HAT1: variants seen among roughly 807,000 people sequenced by gnomAD.
HAT1 encodes histone acetyltransferase 1.
HAT1 carries 20 observed loss-of-function variants against 56.6 expected under a neutral mutation model. The ratio of observed to expected loss-of-function variants is 0.35; its 90% CI spans 0.25 to 0.51. The LOEUF (loss-of-function observed/expected upper bound fraction) is 0.51. HAT1 is among the 20% of genes least tolerant of loss of function. The probability of loss-of-function intolerance (pLI) is 0.95; values close to 1 mark genes in which losing one functional copy is unlikely to be tolerated. For synonymous variants in HAT1, 146 were observed against 165.5 expected, an observed-to-expected ratio of 0.88 and a Z score of 0.91; for missense variants, 408 against 504.3, an observed-to-expected ratio of 0.81 and a Z score of 1.83.
Position 171,979,340 on chromosome 2 carries a change from A to T in HAT1, c.1069A>T (p.Arg357Ter), listed in dbSNP as rs1688073810. Residue 357 changes from arginine to a stop codon, truncating the protein, a stop_gained, in exon 10 of 11, where the codon AGA becomes TGA. Coordinates refer to ENST00000264108, the MANE Select transcript of HAT1 (RefSeq NM_003642.4). LOFTEE classifies it high-confidence loss of function. The stretch of plus-strand genomic sequence containing the variant: ...CAGAAGCTACAGACTGGATATTAAA[A>T]GAAGACTAATTAGCCCATATAAGGT... ...QYRSYRLDIK[R>*]RLISPYKKKQ... 1 of 1,571,090 alleles carries T rather than the reference A, an allele frequency of 6.4e-7. No individual in the cohort carries two copies. The highest frequency in any genetic ancestry group is 8.8e-7 in the Non-Finnish European group (1 of 1,140,942).
Position 171,925,780 on chromosome 2 carries a change from T to C in HAT1, c.112+139T>C, listed in dbSNP as rs932359766. ...TGGTTTTCTGCATTTATTGAACATA[T>C]TCAGATTTTATTCAGTTTTGATTTA... On this transcript the variant is annotated intron_variant, in intron 2 of 10. Coordinates refer to ENST00000264108, the MANE Select transcript of HAT1 (RefSeq NM_003642.4). 25 of 535,124 alleles carry C rather than the reference T, an allele frequency of 4.7e-5. No homozygotes were observed. In the South Asian group the frequency reaches 4.7e-4, roughly 10 times the overall value. The allele number at this position is 535,124 out of a possible 1,614,324, so 33.1% of individuals were successfully genotyped here.
intron 2 of HAT1, among the ~76,000 whole-genome samples, chr2:171,936,277 G>C (rs999980114): frequency 7.2e-5 from 11 of 152,160 alleles, no homozygotes; most frequent in African/African-American, 2.7e-4. Flanking sequence ...TCTGAAACCA[G>C]CAATGAGGAG....
intron 2 of HAT1, among the ~76,000 whole-genome samples, chr2:171,935,488 C>T (rs1246080924): frequency 7.8e-6 from 1 of 128,566 alleles, no homozygotes; most frequent in Non-Finnish European, 1.5e-5. Context: ...GCACTCCAGC[C>T]TGGGCAACAA....
At position 171,968,256 on chromosome 2, in the gene HAT1, A is replaced by C. The variant is rs560942492; in HGVS notation, c.823+1307A>C. On this transcript the variant is annotated intron_variant, in intron 8 of 10. Coordinates refer to ENST00000264108, the MANE Select transcript of HAT1 (RefSeq NM_003642.4). ...GTGACTTATAAAATTGTAGAAACATAATACAGACTATGTCACTTCTTTTAG... is the reference window on the plus strand; with the variant it reads ...GTGACTTATAAAATTGTAGAAACATCATACAGACTATGTCACTTCTTTTAG... Among the ~76,000 whole-genome samples, 14 of 152,292 alleles carry C rather than the reference A, an allele frequency of 9.2e-5. No individual in the cohort carries two copies. In the South Asian group the frequency reaches 2.1e-3, roughly 23 times the overall value.
At chr2:171,978,486 G>T (rs1688045435) in intron 9 of HAT1, among the ~76,000 whole-genome samples, 1 of 152,086 alleles carries the variant, frequency 6.6e-6, no homozygotes, top group South Asian at 2.1e-4. Context: ...TTAAATCCTT[G>T]CCCTTAGACT....
chr2:171,935,047 C>T (rs542697475), intron 2 of HAT1, among the ~76,000 whole-genome samples: 13 of 151,092 alleles, frequency 8.6e-5, no homozygotes, highest in African/African-American at 1.7e-4. Context: ...TGAGCCACCG[C>T]GCCTGGCCTA....
chr2:171,947,010 T>C (rs1259190171), intron 3 of HAT1, among the ~76,000 whole-genome samples: 1 of 152,164 alleles, frequency 6.6e-6, no homozygotes, highest in Non-Finnish European at 1.5e-5. Context: ...GTATTAATGA[T>C]GGTATTATTA....
At chr2:171,927,196 T>C (rs1381829068) in intron 2 of HAT1, among the ~76,000 whole-genome samples, 4 of 152,226 alleles carry the variant, frequency 2.6e-5, no homozygotes, top group African/African-American at 7.2e-5. Flanking sequence ...GAAAGTTAGA[T>C]TGTGGCACAG....
intron 2 of HAT1, among the ~76,000 whole-genome samples, chr2:171,933,918 A>G (rs1558963329): frequency 6.6e-6 from 1 of 152,220 alleles, no homozygotes; most frequent in East Asian, 1.9e-4. Flanking sequence ...TAATAGTATT[A>G]AAGTCTTTTA....
rs923558612 is a variant in HAT1 at position 171,969,645 on chromosome 2, A to C, written c.823+2696A>C. 4.6e-5 allele frequency among the ~76,000 whole-genome samples: 7 copies of C among 152,332 alleles called. No homozygotes were observed. The East Asian group carries it at 1.3e-3, about 29-fold the overall frequency. On this transcript the variant is annotated intron_variant, in intron 8 of 10. Transcript: ENST00000264108. ...TCAGACTGACACTTTCAAAGGGCTT[A>C]AAGATTGAGTGGTGACTTGGTTCCT...
chr2:171,976,602 G>A (rs1476394487), intron 9 of HAT1, among the ~76,000 whole-genome samples: 4 of 152,130 alleles, frequency 2.6e-5, no homozygotes, highest in African/African-American at 9.7e-5. Flanking sequence ...ATGGATAATA[G>A]GATCTTATTT....
At chr2:171,929,732 T>C (rs897022074) in intron 2 of HAT1, among the ~76,000 whole-genome samples, 3 of 152,238 alleles carry the variant, frequency 2.0e-5, no homozygotes, top group Non-Finnish European at 4.4e-5. Context: ...CTTGGTGCGT[T>C]TTTAACAAAA....
chr2:171,951,245 A>G lies in HAT1; in HGVS notation c.189-1636A>G, dbSNP rs528141711. Among the ~76,000 whole-genome samples the G allele has an allele frequency of 2.6e-5, 4 of 152,358 alleles. No homozygotes were observed. The East Asian group carries it at 5.8e-4, about 22-fold the overall frequency. Reference sequence around the variant, plus strand: ...AATTGTATCTTATTATACATAGATTAATGCCAAAATTTCAGCCTTTCATAT... The same window carrying G: ...AATTGTATCTTATTATACATAGATTGATGCCAAAATTTCAGCCTTTCATAT... On this transcript the variant is annotated intron_variant, in intron 3 of 10. Coordinates refer to ENST00000264108, the MANE Select transcript of HAT1 (RefSeq NM_003642.4).
chr2:171,966,328 G>T, intron 6 of HAT1, 81 bp from the exon 7 acceptor site: 1 of 794,234 alleles, frequency 1.3e-6, no homozygotes, highest in Non-Finnish European at 2.3e-6. Flanking sequence ...TGAAAATTCA[G>T]TCAGAGAATG....
At chr2:171,940,801 C>A (rs755075916) in intron 2 of HAT1, among the ~76,000 whole-genome samples, 7 of 152,060 alleles carry the variant, frequency 4.6e-5, no homozygotes, top group Non-Finnish European at 1.0e-4. Flanking sequence ...TGCAGTGAAC[C>A]CATAATTTAA....
intron 8 of HAT1, among the ~76,000 whole-genome samples, chr2:171,968,617 T>G (rs893268621): frequency 6.6e-6 from 1 of 152,184 alleles, no homozygotes; most frequent in African/African-American, 2.4e-5. Flanking sequence ...CTAAACATGC[T>G]AAAGGACTTC....
At chr2:171,942,461 T>C (rs1200802188) in intron 2 of HAT1, among the ~76,000 whole-genome samples, 1 of 152,220 alleles carries the variant, frequency 6.6e-6, no homozygotes, top group Non-Finnish European at 1.5e-5. Flanking sequence ...TACCGTATCA[T>C]GTTCTGTTCA....
At chr2:171,945,888 T>C (rs1324697428) in intron 2 of HAT1, among the ~76,000 whole-genome samples, 1 of 152,178 alleles carries the variant, frequency 6.6e-6, no homozygotes, top group Non-Finnish European at 1.5e-5. Flanking sequence ...CAGGCTGGTC[T>C]TGAACTCCTG....
At chr2:171,944,934 C>A (rs1487631396) in intron 2 of HAT1, among the ~76,000 whole-genome samples, 1 of 152,082 alleles carries the variant, frequency 6.6e-6, no homozygotes, top group East Asian at 1.9e-4. Flanking sequence ...CGCAGTGGCA[C>A]AATCTCAGCT....
Sources: allele counts gnomAD v4.1 joint callset (sites outside exome capture counted in the v4.1 genomes callset), GRCh38; gene constraint gnomAD v4.1.1; transcripts MANE v1.5; gene names NCBI Gene and HGNC (gene_info 2026-07-23, HGNC 2026-07-21).